The following NMT1 variants were observed in gnomAD, a reference collection of about 807,000 sequenced individuals.
NMT1 encodes glycylpeptide N-tetradecanoyltransferase 1.
In NMT1, 12 loss-of-function variants were observed where a neutral mutation model predicts 63.4. The ratio of observed to expected loss-of-function variants is 0.19; its 90% CI spans 0.12 to 0.31. The LOEUF is 0.31. Ranked by LOEUF, NMT1 falls within the 10% of genes least tolerant of loss-of-function variation. The pLI is 1.00. For synonymous variants in NMT1, 228 were observed against 234.3 expected (o/e 0.97, Z 0.25); for missense variants, 432 against 634.6 (o/e 0.68, Z 3.43).
At chr17:45,092,333 C>G (rs1444246869) in intron 3 of NMT1, among the ~76,000 whole-genome samples, 1 of 152,126 alleles carries the variant, frequency 6.6e-6, no homozygotes, top group Non-Finnish European at 1.5e-5. Context: ...ATGATCAGTG[C>G]CAGCGGTGGT....
intron 1 of NMT1, among the ~76,000 whole-genome samples, chr17:45,070,183 G>A (rs2053930631): frequency 1.3e-5 from 2 of 152,176 alleles, no homozygotes; most frequent in Admixed American, 1.3e-4. Context: ...GAGGGTGGCA[G>A]CAAAAGTGGT....
intron 3 of NMT1, among the ~76,000 whole-genome samples, chr17:45,091,788 G>A (rs1598014223): frequency 6.6e-6 from 1 of 152,166 alleles, no homozygotes; most frequent in East Asian, 1.9e-4. Flanking sequence ...CATTTTGGGA[G>A]GCCAAGGCAG....
Position 45,103,570 on chromosome 17 carries a change from C to G in NMT1, c.1165-139C>G. On this transcript the variant is annotated intron_variant, in intron 9 of 11. Coordinates refer to ENST00000258960, the MANE Select transcript of NMT1 (RefSeq NM_021079.5). This position sits in a 1 kb window ranked among gnomAD's most constrained non-coding sequence, Gnocchi z 4.8. ...CTGAGCCAATGTCCCTCCTCCTCCC[C>G]ACATGTCCTGTTGCAGTTTCCAGCC... 2.3e-6 allele frequency: 2 copies of G among 869,560 alleles called. No individual in the cohort carries two copies. Among genetic ancestry groups the G allele is most frequent in the Non-Finnish European group, 3.6e-6 (2 of 556,882 alleles). The allele number at this position is 869,560 out of a possible 1,614,324, so 53.9% of individuals were successfully genotyped here.
intron 1 of NMT1, among the ~76,000 whole-genome samples, chr17:45,063,959 G>A (rs150584471): frequency 1.1e-3 from 164 of 152,084 alleles, no homozygotes; most frequent in African/African-American, 3.7e-3. Context: ...GGCCGAGGCG[G>A]GTGGATCACG....
intron 1 of NMT1, among the ~76,000 whole-genome samples, 182 bp from the exon 2 acceptor site, chr17:45,081,462 C>T (rs1005115378): frequency 1.3e-5 from 2 of 152,162 alleles, no homozygotes; most frequent in Admixed American, 1.3e-4. Flanking sequence ...GCCGAGGGGG[C>T]GCGAGTCAGG....
intron 8 of NMT1, among the ~76,000 whole-genome samples, chr17:45,101,671 C>T (rs1187123711): frequency 6.6e-6 from 1 of 151,050 alleles, no homozygotes; most frequent in Admixed American, 6.6e-5. Flanking sequence ...TCTCTTTCCT[C>T]GGAGTGCTTC....
In NMT1 at chr17:45,103,563, T is replaced by A. The variant is rs1371865108; in HGVS notation, c.1165-146T>A. On this transcript the variant is annotated intron_variant, in intron 9 of 11. Transcript: ENST00000258960. The surrounding 1 kb of genome is among the most constrained non-coding windows in gnomAD (Gnocchi z 4.8). ...AAGTGCCCTGAGCCAATGTCCCTCC[T>A]CCTCCCCACATGTCCTGTTGCAGTT... 2.4e-6 allele frequency: 2 copies of A among 829,298 alleles called. No individual in the cohort carries two copies. The highest frequency in any genetic ancestry group is 3.8e-6 in the Non-Finnish European group (2 of 523,296). The allele number at this position is 829,298 out of a possible 1,614,324, so 51.4% of individuals were successfully genotyped here. A position where few individuals can be genotyped will look rare whatever the true frequency, so the allele number is the denominator to read the frequency against.
chr17:45,097,072 G>A (rs2054129271), intron 5 of NMT1, 56 bp from the exon 6 acceptor site: 2 of 1,475,772 alleles, frequency 1.4e-6, no homozygotes. Context: ...TGGAGCCCAA[G>A]CGGCTTGTCC....
intron 8 of NMT1, among the ~76,000 whole-genome samples, chr17:45,101,902 C>A (rs2054169085): frequency 6.6e-6 from 1 of 152,220 alleles, no homozygotes; most frequent in Admixed American, 6.5e-5. Flanking sequence ...CTTCTCCCTT[C>A]TGTTCTCATG....
At chr17:45,099,994 A>C (rs2054150590) in intron 8 of NMT1, among the ~76,000 whole-genome samples, 1 of 152,154 alleles carries the variant, frequency 6.6e-6, no homozygotes, top group South Asian at 2.1e-4. Context: ...AGGACTGGGC[A>C]ACCTTAAAGT....
At chr17:45,061,731 A>G in intron 1 of NMT1, 1 of 357,680 alleles carries the variant, frequency 2.8e-6, no homozygotes. Context: ...TCCTGGGAAA[A>G]GAGCATGTTG....
Position 45,085,520 on chromosome 17 carries a change from T to C in NMT1, c.241-988T>C, listed in dbSNP as rs547450886. ...TTGTATGCAAAAAAGTCTGGAATTA[T>C]ATTTGCCTCTTCTCACCTTCCCAAG... On this transcript the variant is annotated intron_variant, in intron 2 of 11. Transcript: ENST00000258960. Among the ~76,000 whole-genome samples, 59 of 152,350 alleles carry C rather than the reference T, an allele frequency of 3.9e-4. 2 individuals are homozygous for C. The South Asian group carries it at 0.012, about 30-fold the overall frequency.
intron 1 of NMT1, among the ~76,000 whole-genome samples, chr17:45,078,628 T>A (rs923472280): frequency 1.3e-5 from 2 of 152,112 alleles, no homozygotes; most frequent in East Asian, 3.8e-4. Context: ...TTTTATATTG[T>A]TTTAATTCTT....
At chr17:45,079,993 C>G (rs762953404) in intron 1 of NMT1, among the ~76,000 whole-genome samples, 5 of 152,104 alleles carry the variant, frequency 3.3e-5, no homozygotes, top group Admixed American at 2.6e-4. Context: ...CCACTGCGCC[C>G]GGCCACATGT....
At chr17:45,084,064 T>C (rs966867900) in intron 2 of NMT1, among the ~76,000 whole-genome samples, 2 of 152,200 alleles carry the variant, frequency 1.3e-5, no homozygotes, top group African/African-American at 2.4e-5. Context: ...AAAATGTATG[T>C]AGTTTTATTA....
rs1175939377 is a variant in NMT1, at chr17:45,104,049, G to A, written c.1332+173G>A. 1.9e-6 allele frequency: 3 copies of A among 1,557,466 alleles called. No homozygotes were observed. Among genetic ancestry groups the A allele is most frequent in the Non-Finnish European group, 2.6e-6 (3 of 1,158,830 alleles). On this transcript the variant is annotated intron_variant, in intron 10 of 11. Coordinates refer to ENST00000258960, the MANE Select transcript of NMT1 (RefSeq NM_021079.5). The surrounding 1 kb of genome is among the most constrained non-coding windows in gnomAD (Gnocchi z 4.2). ...TTTAGGCAGAAACTCAAAACTTGGAGGGAACAAGGAGCATCCGAAGTGAAG... is the reference window on the plus strand; with the variant it reads ...TTTAGGCAGAAACTCAAAACTTGGAAGGAACAAGGAGCATCCGAAGTGAAG...
At chr17:45,091,634 C>G (rs2054089219) in intron 3 of NMT1, among the ~76,000 whole-genome samples, 1 of 152,156 alleles carries the variant, frequency 6.6e-6, no homozygotes, top group Admixed American at 6.5e-5. Context: ...GGGTCTGGCC[C>G]TCAGTTTTGT....
chr17:45,080,448 C>T (rs1317997716), intron 1 of NMT1, among the ~76,000 whole-genome samples: 4 of 148,602 alleles, frequency 2.7e-5, no homozygotes, highest in African/African-American at 1.0e-4. Flanking sequence ...GTGTGAGCCA[C>T]CACACCCAGC....
chr17:45,066,472 G>C (rs960685485), intron 1 of NMT1, among the ~76,000 whole-genome samples: 5 of 152,030 alleles, frequency 3.3e-5, no homozygotes, highest in African/African-American at 9.7e-5. Flanking sequence ...AACTTCATGT[G>C]GTTGTGTGTA....
Sources: allele counts gnomAD v4.1 joint callset (sites outside exome capture counted in the v4.1 genomes callset), GRCh38; gene constraint gnomAD v4.1.1; non-coding constraint Gnocchi (gnomAD v3.1); transcripts MANE v1.5; gene names NCBI Gene and HGNC (gene_info 2026-07-23, HGNC 2026-07-21).